APOC4: variants seen among roughly 807,000 people sequenced by gnomAD.
APOC4 encodes apolipoprotein C4.
APOC4 carries 10 observed loss-of-function variants against 8.4 expected under a neutral mutation model. That is an observed-to-expected ratio of 1.19 (90% CI 0.74 to 2.03). The LOEUF (loss-of-function observed/expected upper bound fraction) is 2.03. APOC4 is among the 30% of genes most tolerant of loss of function. APOC4 has a pLI of 0.00. For missense variants in APOC4, 160 were observed against 156.1 expected (o/e 1.02, Z -0.13); for synonymous variants, 59 against 65.8 (o/e 0.90, Z 0.50).
At chr19:44,943,148 C>T (rs1359739530) in intron 1 of APOC4, among the ~76,000 whole-genome samples, 3 of 152,026 alleles carry the variant, frequency 2.0e-5, no homozygotes, top group Non-Finnish European at 2.9e-5. Flanking sequence ...GTCTCCATAT[C>T]CTGACCTCGT....
chr19:44,942,952 C>T (rs1021398145), intron 1 of APOC4, among the ~76,000 whole-genome samples: 2 of 150,932 alleles, frequency 1.3e-5, no homozygotes, highest in East Asian at 2.0e-4. Flanking sequence ...GACGGAGTCT[C>T]GCTCTGTTAC....
rs140297311 is a variant in APOC4 at position 44,945,179 on chromosome 19, T to C, written c.258T>C (p.Tyr86=). The stretch of plus-strand genomic sequence containing the variant: ...TCCGGGGCTTCATGCAGACCTACTA[T>C]GACGACCACCTGAGGGACCTGGGTC... ...STFRGFMQTY[Y]DDHLRDLGPL... The change falls in exon 3 of 3, where the codon TAT becomes TAC. Residue 86 remains tyrosine, a synonymous_variant. Coordinates refer to ENST00000592954, the MANE Select transcript of APOC4 (RefSeq NM_001646.3). The C allele has an allele frequency of 1.0e-4, 163 of 1,614,066 alleles. No individual in the cohort carries two copies. The African/African-American group carries it at 1.9e-3, about 19-fold the overall frequency.
At chr19:44,944,369 A>G (rs1373464086) in intron 1 of APOC4, among the ~76,000 whole-genome samples, 1 of 152,018 alleles carries the variant, frequency 6.6e-6, no homozygotes, top group Non-Finnish European at 1.5e-5. Context: ...TCTTCTAAAA[A>G]TACAAAAATT....
chr19:44,942,396 G>A, intron 1 of APOC4, 43 bp downstream of exon 1: 1 of 1,594,042 alleles, frequency 6.3e-7, no homozygotes, highest in Non-Finnish European at 8.6e-7. Context: ...CACACCTGGT[G>A]GGTGTGAGTG....
rs139406802 is a variant in APOC4, at chr19:44,942,706, A to AG, written c.76+358dup. Among the ~76,000 whole-genome samples the AG allele has an allele frequency of 8.8e-3, 1,299 of 148,268 alleles. 18 individuals are homozygous for AG. Among genetic ancestry groups the AG allele is most frequent in the African/African-American group, 0.03 (1,208 of 39,960 alleles). On this transcript the variant is annotated intron_variant, in intron 1 of 2. Coordinates refer to ENST00000592954, the MANE Select transcript of APOC4 (RefSeq NM_001646.3). ...ATATTTGAGTGTGTGGACATGTGTG[A>AG]GGGGGTGAGTGTGTGCTGGTGTGTA...
At chr19:44,942,772 G>T (rs1248328965) in intron 1 of APOC4, among the ~76,000 whole-genome samples, 2 of 147,022 alleles carry the variant, frequency 1.4e-5, no homozygotes, top group African/African-American at 5.1e-5. Flanking sequence ...TTTTTTTTGA[G>T]ACGGAGTCTC....
chr19:44,944,970 C>G, intron 2 of APOC4, 80 bp downstream of exon 2: 1 of 1,533,102 alleles, frequency 6.5e-7, no homozygotes, highest in Non-Finnish European at 8.8e-7. Context: ...ACCCCTGAGT[C>G]TCAGGGAGGA....
chr19:44,942,458 T>G, intron 1 of APOC4, 105 bp downstream of exon 1: 1 of 1,137,300 alleles, frequency 8.8e-7, no homozygotes, highest in Non-Finnish European at 1.2e-6. Context: ...GTACGGAGTG[T>G]GTGCGTTTCA....
intron 1 of APOC4, among the ~76,000 whole-genome samples, 198 bp from the exon 2 acceptor site, chr19:44,944,551 G>GAA (rs111795665): frequency 7.1e-6 from 1 of 141,466 alleles, no homozygotes; most frequent in African/African-American, 2.6e-5. Context: ...AAAGAAAAAA[G>GAA]AAAAAAAAAA....
chr19:44,942,560 CTG>C (rs1393922878), intron 1 of APOC4, among the ~76,000 whole-genome samples: 2 of 151,956 alleles, frequency 1.3e-5, no homozygotes, highest in East Asian at 1.9e-4. Flanking sequence ...CTGGGATCAT[CTG>C]TGTGTGTGCA....
intron 1 of APOC4, among the ~76,000 whole-genome samples, chr19:44,944,118 G>A (rs1437162387): frequency 6.6e-6 from 1 of 152,156 alleles, no homozygotes. Flanking sequence ...GGGAGAAGGG[G>A]GTAGTTCCTG....
chr19:44,942,375 G>A (rs1443045952), intron 1 of APOC4, 22 bp downstream of exon 1: 1 of 1,611,182 alleles, frequency 6.2e-7, no homozygotes, highest in East Asian at 2.2e-5. Context: ...TGGGTGGAGG[G>A]ATGTGGGGCC....
At chr19:44,942,810 G>A (rs1970274390) in intron 1 of APOC4, among the ~76,000 whole-genome samples, 1 of 150,942 alleles carries the variant, frequency 6.6e-6, no homozygotes, top group South Asian at 2.1e-4. Flanking sequence ...GGAGTGCAGT[G>A]GTAGCAGTGG....
chr19:44,944,682 T>G, intron 1 of APOC4, 67 bp from the exon 2 acceptor site: 2 of 1,516,102 alleles, frequency 1.3e-6, no homozygotes, highest in East Asian at 2.4e-5. Context: ...AGGATGAGCA[T>G]GGAGGGAAAG....
chr19:44,943,082 T>C (rs185279579), intron 1 of APOC4, among the ~76,000 whole-genome samples: 53 of 152,102 alleles, frequency 3.5e-4, no homozygotes, highest in Middle Eastern at 3.4e-3. Context: ...CCACCACGCC[T>C]GGCTAATTTT....
intron 1 of APOC4, among the ~76,000 whole-genome samples, chr19:44,943,490 G>A (rs1272729770): frequency 5.3e-5 from 8 of 151,872 alleles, no homozygotes; most frequent in African/African-American, 1.9e-4. Flanking sequence ...TTCGGAGGCC[G>A]AGGCGGGTGG....
chr19:44,942,393 G>A (rs2122197100), intron 1 of APOC4, 40 bp downstream of exon 1: 1 of 1,595,658 alleles, frequency 6.3e-7, no homozygotes, highest in Admixed American at 1.7e-5. Context: ...GCCCACACCT[G>A]GTGGGTGTGA....
At chr19:44,942,866 T>A (rs1444059074) in intron 1 of APOC4, among the ~76,000 whole-genome samples, 1 of 151,812 alleles carries the variant, frequency 6.6e-6, no homozygotes, top group East Asian at 1.9e-4. Context: ...TTTCAAGGGA[T>A]TCTCCTGCCT....
chr19:44,942,958 G>A (rs555629848), intron 1 of APOC4, among the ~76,000 whole-genome samples: 1 of 151,218 alleles, frequency 6.6e-6, no homozygotes, highest in South Asian at 2.1e-4. Flanking sequence ...GTCTCGCTCT[G>A]TTACCCAGGC....
Sources: allele counts gnomAD v4.1 joint callset (sites outside exome capture counted in the v4.1 genomes callset), GRCh38; gene constraint gnomAD v4.1.1; transcripts MANE v1.5; gene names NCBI Gene and HGNC (gene_info 2026-07-23, HGNC 2026-07-21).